The following ARHGEF10 variants were observed in gnomAD, a reference collection of about 807,000 sequenced individuals.
The protein encoded by ARHGEF10 is Rho guanine nucleotide exchange factor 10.
Under a neutral mutation model 147.4 loss-of-function variants are expected in ARHGEF10, and 140 were observed. The observed-to-expected ratio is 0.95, with a 90% CI of 0.83 to 1.09. ARHGEF10 has a LOEUF of 1.09. Among genes scored for constraint, ARHGEF10 ranks in the 50% least tolerant of loss-of-function variants. The pLI, the probability that ARHGEF10 is intolerant of heterozygous loss-of-function variation, is 0.00. For synonymous variants in ARHGEF10, 902 were observed against 695.8 expected (o/e 1.30, Z -4.67); for missense variants, 2,222 against 1,752.7 (o/e 1.27, Z -4.78).
chr8:1,897,134 C>A (rs982786262), intron 14 of ARHGEF10, among the ~76,000 whole-genome samples: 3 of 152,212 alleles, frequency 2.0e-5, no homozygotes, highest in African/African-American at 7.2e-5. Flanking sequence ...TGATAAACCC[C>A]GGGGACAAAG....
At chr8:1,841,266 AAG>A (rs1491065044) in intron 1 of ARHGEF10, among the ~76,000 whole-genome samples, 1 of 94,750 alleles carries the variant, frequency 1.1e-5, no homozygotes, top group Admixed American at 1.0e-4. Flanking sequence ...GCTAGGGTAA[AAG>A]TAATCTATGT....
chr8:1,865,554 AG>A (rs1806526131), intron 5 of ARHGEF10, among the ~76,000 whole-genome samples: 1 of 152,054 alleles, frequency 6.6e-6, no homozygotes, highest in Non-Finnish European at 1.5e-5. Flanking sequence ...CCCGGCACCC[AG>A]GGGGCCGTCA....
At chr8:1,912,948 G>T (rs1811484471) in intron 18 of ARHGEF10, among the ~76,000 whole-genome samples, 2 of 152,180 alleles carry the variant, frequency 1.3e-5, no homozygotes, top group Admixed American at 1.3e-4. Context: ...ACTCCACCCG[G>T]CCGCTGTTCC....
At chr8:1,825,501 C>T (rs1261105297) in intron 1 of ARHGEF10, among the ~76,000 whole-genome samples, 1 of 148,148 alleles carries the variant, frequency 6.8e-6, no homozygotes, top group Non-Finnish European at 1.5e-5. Flanking sequence ...AGCTGTCCCC[C>T]CCGTACTCCA....
chr8:1,852,950 G>C (rs1805257177), intron 2 of ARHGEF10, among the ~76,000 whole-genome samples: 1 of 152,226 alleles, frequency 6.6e-6, no homozygotes, highest in East Asian at 1.9e-4. Flanking sequence ...AGAGCCTGCA[G>C]TTTTCCTGGG....
chr8:1,928,465 C>T lies in ARHGEF10; in HGVS notation c.2736C>T (p.Ile912=), dbSNP rs2272611. The part of the protein sequence containing the change: ...SCTHQMGQIA[I]VSFQNSTPKV... ...CCCATCAAATGGGTCAGATTGCCAT[C>T]GTCTCGTTTCAAAATTCCACTCCCA... is the stretch of plus-strand genomic sequence containing the variant. The change falls in exon 24 of 29, where the codon ATC becomes ATT. Residue 912 remains isoleucine (I), a synonymous_variant. Transcript: ENST00000349830. 233,933 of 1,612,186 alleles carry T rather than the reference C, an allele frequency of 0.15. 17,512 individuals are homozygous for T. The highest frequency in any genetic ancestry group is 0.23 in the Admixed American group (13,667 of 59,942).
chr8:1,884,497 T>C (rs1808491216), intron 10 of ARHGEF10, among the ~76,000 whole-genome samples: 1 of 152,142 alleles, frequency 6.6e-6, no homozygotes, highest in Non-Finnish European at 1.5e-5. Context: ...GTCCTGGTTG[T>C]ACCTAAGAAT....
At chr8:1,927,465 G>C (rs150356878) in intron 23 of ARHGEF10, 5 of 152,094 alleles carry the variant, frequency 3.3e-5, no homozygotes, top group Admixed American at 1.3e-4. Context: ...AAACCAGCTA[G>C]TGCTTTCTGT....
rs1410312122 is a variant in ARHGEF10 at position 1,833,324 on chromosome 8, AGACAG to A, written c.-48+9212_-48+9216del. Reference sequence around the variant, plus strand: ...CAGAGGCAGAGACAGAAGCAGAGGGAGACAGAGACAGAGGCAGAGACAGAGGCAGA... The same window carrying A: ...CAGAGGCAGAGACAGAAGCAGAGGGAAGACAGAGGCAGAGACAGAGGCAGA... On this transcript the variant is annotated intron_variant, in intron 1 of 28. Coordinates refer to ENST00000349830, the MANE Select transcript of ARHGEF10 (RefSeq NM_014629.4). 1.2e-3 allele frequency among the ~76,000 whole-genome samples: 160 copies of A among 138,806 alleles called. 1 individual carries two copies. The highest frequency in any genetic ancestry group is 4.0e-3 in the African/African-American group (145 of 36,224). The allele number at this position is 138,806 out of a possible 152,430, so 91.1% of individuals were successfully genotyped here.
Position 1,896,432 on chromosome 8 carries a change from T to C in ARHGEF10, c.1540T>C (p.Phe514Leu). The C allele has an allele frequency of 1.2e-6, 2 of 1,613,604 alleles. No individual in the cohort carries two copies. The highest frequency in any genetic ancestry group is 1.7e-6 in the Non-Finnish European group (2 of 1,179,798). The change falls in exon 14 of 29, where the codon TTT (phenylalanine) becomes CTT (leucine). Residue 514 changes from phenylalanine (F) to leucine (L), a missense_variant. By Grantham distance (22) the Phe-to-Leu change is conservative (BLOSUM62 0). Transcript: ENST00000349830. ...GAAAACATGTGCCACAAAGCCCGCT[T>C]TTCTTGAATTTTTAAAGGTAAGCGC... is the stretch of plus-strand genomic sequence containing the variant. ...LKKTCATKPAFLEFLKQEQEA... is the reference protein window; with the variant it reads ...LKKTCATKPALLEFLKQEQEA...
intron 1 of ARHGEF10, among the ~76,000 whole-genome samples, chr8:1,839,191 A>ATGTGGGGACTGTTTTG (rs1487903638): frequency 3.6e-5 from 2 of 55,594 alleles, no homozygotes; most frequent in African/African-American, 1.6e-4. Context: ...GGACTGTCTG[A>ATGTGGGGACTGTTTTG]TGTGGGGACT....
chr8:1,908,182 C>T (rs1206035476), intron 17 of ARHGEF10, among the ~76,000 whole-genome samples: 1 of 151,182 alleles, frequency 6.6e-6, no homozygotes, highest in Non-Finnish European at 1.5e-5. Context: ...GTGCTCAGTC[C>T]AATGCATAGC....
chr8:1,889,625 G>A (rs1170760566), intron 11 of ARHGEF10, among the ~76,000 whole-genome samples: 2 of 107,420 alleles, frequency 1.9e-5, no homozygotes, highest in Admixed American at 8.9e-5. Context: ...GGGTCTGTGA[G>A]GAGTCATGGA....
rs547849826 is a variant in ARHGEF10 at position 1,884,351 on chromosome 8, G to A, written c.1076-1250G>A. ...GCGGAGCTTGCAGTGAGCCGAGATT[G>A]CGCCACTGCACTCCAGCCTGGGCGA... On this transcript the variant is annotated intron_variant, in intron 10 of 28. Coordinates refer to ENST00000349830, the MANE Select transcript of ARHGEF10 (RefSeq NM_014629.4). Among the ~76,000 whole-genome samples the A allele has an allele frequency of 2.7e-3, 406 of 150,968 alleles. 2 individuals are homozygous for A. The highest frequency in any genetic ancestry group is 9.4e-3 in the African/African-American group (388 of 41,096).
chr8:1,897,240 G>T (rs1160202515), intron 14 of ARHGEF10, among the ~76,000 whole-genome samples: 1 of 152,250 alleles, frequency 6.6e-6, no homozygotes, highest in Non-Finnish European at 1.5e-5. Context: ...ACGTGTCATT[G>T]AAGCTGGAAT....
chr8:1,893,690 C>CT, intron 12 of ARHGEF10, 44 bp downstream of exon 12: 1 of 1,361,838 alleles, frequency 7.3e-7, no homozygotes, highest in South Asian at 1.2e-5. Flanking sequence ...TTCTATTATT[C>CT]TTTTTTACCT....
intron 10 of ARHGEF10, among the ~76,000 whole-genome samples, chr8:1,883,174 C>A (rs1342727849): frequency 1.3e-5 from 2 of 152,118 alleles, no homozygotes; most frequent in African/African-American, 4.8e-5. Flanking sequence ...GAGTAGACAG[C>A]TGAAGTTCCA....
chr8:1,891,023 C>T (rs571258284), intron 11 of ARHGEF10, among the ~76,000 whole-genome samples: 1 of 152,184 alleles, frequency 6.6e-6, no homozygotes, highest in South Asian at 2.1e-4. Context: ...TTCAGTTTTC[C>T]TTTTCTTTGA....
intron 1 of ARHGEF10, among the ~76,000 whole-genome samples, chr8:1,841,433 C>T (rs1804024418): frequency 1.3e-5 from 2 of 152,126 alleles, no homozygotes; most frequent in African/African-American, 2.4e-5. Context: ...CAGGAATTCT[C>T]ATTAGTTTAT....
Sources: allele counts gnomAD v4.1 joint callset (sites outside exome capture counted in the v4.1 genomes callset), GRCh38; gene constraint gnomAD v4.1.1; transcripts MANE v1.5; gene names NCBI Gene and HGNC (gene_info 2026-07-23, HGNC 2026-07-21).